KCNIP3: variants seen among roughly 807,000 people sequenced by gnomAD.
KCNIP3 encodes potassium voltage-gated channel interacting protein 3.
KCNIP3 carries 28 observed loss-of-function variants against 35.0 expected under a neutral mutation model. That is an observed-to-expected ratio of 0.80 (90% CI 0.59 to 1.10). KCNIP3 has a LOEUF of 1.10. Among genes scored for constraint, KCNIP3 ranks in the 50% least tolerant of loss-of-function variants. The pLI is 0.00. For missense variants in KCNIP3, 295 were observed against 338.4 expected (o/e 0.87, Z 1.01); for synonymous variants, 134 against 133.8 (o/e 1.00, Z -0.01).
intron 2 of KCNIP3, among the ~76,000 whole-genome samples, chr2:95,372,475 C>T (rs551057633): frequency 8.6e-4 from 131 of 152,184 alleles, no homozygotes; most frequent in African/African-American, 2.9e-3. Flanking sequence ...ACTAAGGATT[C>T]GAGATACTAC....
In KCNIP3 at chr2:95,297,392, C is replaced by A; in HGVS notation, c.-47C>A. 3 of 1,482,220 alleles carry A rather than the reference C, an allele frequency of 2.0e-6. No homozygotes were observed. Among genetic ancestry groups the A allele is most frequent in the Non-Finnish European group, 2.7e-6 (3 of 1,103,528 alleles). 91.8% of individuals were successfully genotyped at this position (1,482,220 alleles called of 1,614,324 possible). On this transcript the variant is annotated 5_prime_UTR_variant, in exon 1 of 9. Transcript: ENST00000295225. ...CCGGCCTGGGCAGTCTTGTCTGCCTCGGCTGTGAAGTGGGGAGGCTGGCAA... is the reference window on the plus strand; with the variant it reads ...CCGGCCTGGGCAGTCTTGTCTGCCTAGGCTGTGAAGTGGGGAGGCTGGCAA...
chr2:95,372,261 G>T lies in KCNIP3; in HGVS notation c.182-2035G>T, dbSNP rs188461062. The stretch of plus-strand genomic sequence containing the variant: ...CTGCTGTGTGTACATCTGCTCCACG[G>T]CACAGTTCTCCCCAGTGTGCAGCCT... On this transcript the variant is annotated intron_variant, in intron 2 of 8. Coordinates refer to ENST00000295225, the MANE Select transcript of KCNIP3 (RefSeq NM_013434.5). Among the ~76,000 whole-genome samples, 3 of 152,142 alleles carry T rather than the reference G, an allele frequency of 2.0e-5. No individual in the cohort carries two copies. The East Asian group carries it at 5.8e-4, about 29-fold the overall frequency.
At position 95,368,785 on chromosome 2, in the gene KCNIP3, T is replaced by G. The variant is rs537598752; in HGVS notation, c.182-5511T>G. On this transcript the variant is annotated intron_variant, in intron 2 of 8. Transcript: ENST00000295225. ...CTGTTGGTTTGGTCACATTTCCACC[T>G]GCCCAGTGGCAAAGCCTACACCTTT... is the stretch of plus-strand genomic sequence containing the variant. 1.8e-4 allele frequency: 43 copies of G among 239,190 alleles called. 2 individuals are homozygous for G. In the South Asian group the frequency reaches 3.4e-3, roughly 19 times the overall value. The allele number at this position is 239,190 out of a possible 1,614,324, so 14.8% of individuals were successfully genotyped here.
At chr2:95,297,648 T>C (rs1677904780) in intron 1 of KCNIP3, among the ~76,000 whole-genome samples, 195 bp downstream of exon 1, 1 of 151,922 alleles carries the variant, frequency 6.6e-6, no homozygotes, top group African/African-American at 2.4e-5. Flanking sequence ...TGGAGTGTCC[T>C]GGCTGGCGTT....
chr2:95,339,429 C>T (rs1218395148), intron 2 of KCNIP3, among the ~76,000 whole-genome samples: 2 of 151,860 alleles, frequency 1.3e-5, no homozygotes, highest in African/African-American at 2.4e-5. Flanking sequence ...AAAAAACACA[C>T]AAAAATTAGC....
chr2:95,314,974 C>T (rs996692580), intron 2 of KCNIP3, among the ~76,000 whole-genome samples: 10 of 152,188 alleles, frequency 6.6e-5, no homozygotes, highest in Non-Finnish European at 1.3e-4. Context: ...CAGTCTTCAG[C>T]GGGTCTCATC....
chr2:95,371,236 T>C (rs1220727704), intron 2 of KCNIP3, among the ~76,000 whole-genome samples: 1 of 152,272 alleles, frequency 6.6e-6, no homozygotes, highest in Non-Finnish European at 1.5e-5. Context: ...TAAATTTCCC[T>C]GTCAGCCCAG....
chr2:95,375,837 C>T (rs1285693577), intron 5 of KCNIP3, among the ~76,000 whole-genome samples: 1 of 152,192 alleles, frequency 6.6e-6, no homozygotes, highest in African/African-American at 2.4e-5. Context: ...CTAAAAATAG[C>T]TGCAGGCGAA....
intron 2 of KCNIP3, chr2:95,346,744 C>G (rs1679380307): frequency 6.5e-6 from 1 of 153,350 alleles, no homozygotes. Context: ...GCCGCCGCCG[C>G]GCCTCGAAGT....
intron 2 of KCNIP3, chr2:95,313,489 A>G (rs1247853908): frequency 6.6e-6 from 1 of 152,278 alleles, no homozygotes; most frequent in South Asian, 2.1e-4. Context: ...TCCTCAGCCT[A>G]GAAGCTCCTT....
intron 2 of KCNIP3, among the ~76,000 whole-genome samples, chr2:95,362,260 C>T (rs1241883306): frequency 6.6e-6 from 1 of 152,182 alleles, no homozygotes; most frequent in Non-Finnish European, 1.5e-5. Context: ...GCATGCACCA[C>T]TATGCCCGGC....
Position 95,308,171 on chromosome 2 carries a change from C to T in KCNIP3, c.16-2184C>T, listed in dbSNP as rs2104206599. Among the ~76,000 whole-genome samples, 3 of 152,326 alleles carry T rather than the reference C, an allele frequency of 2.0e-5. No individual in the cohort carries two copies. In the South Asian group the frequency reaches 6.2e-4, roughly 32 times the overall value. On this transcript the variant is annotated intron_variant, in intron 1 of 8. Transcript: ENST00000295225. ...TAGCGTGTGCACATAGGGAGCTTCC[C>T]TCAGCACCCCAGGCACCCGTCCACC...
chr2:95,310,236 G>A (rs1678274819), intron 1 of KCNIP3, 119 bp from the exon 2 acceptor site: 1 of 1,205,110 alleles, frequency 8.3e-7, no homozygotes, highest in Non-Finnish European at 1.2e-6. Flanking sequence ...AGCCCCGGAA[G>A]GTGAGCCCTC....
rs1004345698 is a variant in KCNIP3, at chr2:95,382,320, T to TA, written c.556-57_556-56insA. The TA allele has an allele frequency of 9.8e-6, 12 of 1,224,824 alleles. 1 individual carries two copies. In the Admixed American group the frequency reaches 2.4e-4, roughly 24 times the overall value. The allele number at this position is 1,224,824 out of a possible 1,614,324, so 75.9% of individuals were successfully genotyped here. ...ACCCTTGGATGCCGCCCGCTCCCTT[T>TA]GGGCCCTCACAGCCACCCCGGCCTT... is the stretch of plus-strand genomic sequence containing the variant. On this transcript the variant is annotated intron_variant, in intron 6 of 8. Transcript: ENST00000295225. This position sits in a 1 kb window ranked among gnomAD's most constrained non-coding sequence, Gnocchi z 4.5.
chr2:95,324,045 C>T (rs760646921), intron 2 of KCNIP3, among the ~76,000 whole-genome samples: 7 of 152,364 alleles, frequency 4.6e-5, no homozygotes, highest in Non-Finnish European at 1.0e-4. Flanking sequence ...CTTGGAATCC[C>T]CACCCACGCA....
In KCNIP3 at chr2:95,381,596, G is replaced by C; in HGVS notation, c.448G>C (p.Asp150His). 1 of 1,612,366 alleles carries C rather than the reference G, an allele frequency of 6.2e-7. No homozygotes were observed. The highest frequency in any genetic ancestry group is 8.5e-7 in the Non-Finnish European group (1 of 1,178,398). Residue 150 changes from aspartate (D) to histidine (H), a missense_variant and splice_region_variant, in exon 6 of 9, where the codon GAC becomes CAC. Physicochemically the swap from Asp to His is moderately conservative, Grantham distance 81. Coordinates refer to ENST00000295225, the MANE Select transcript of KCNIP3 (RefSeq NM_013434.5). ...GCCCCACACTCTCCTTTCCCCATAG[G>C]ACTTTGTGGTTGGCCTCTCCATCCT... ...ADGNGAIHFEDFVVGLSILLR... is the reference protein window; with the variant it reads ...ADGNGAIHFEHFVVGLSILLR...
intron 2 of KCNIP3, among the ~76,000 whole-genome samples, chr2:95,352,955 G>A (rs1167110504): frequency 1.3e-5 from 2 of 152,248 alleles, no homozygotes; most frequent in African/African-American, 4.8e-5. Flanking sequence ...CAGCTGTCAG[G>A]TTGTTGCTTC....
chr2:95,325,165 C>T (rs1678705036), intron 2 of KCNIP3, among the ~76,000 whole-genome samples: 1 of 152,130 alleles, frequency 6.6e-6, no homozygotes, highest in Non-Finnish European at 1.5e-5. Flanking sequence ...CAGGCCTGGA[C>T]CCCAACTCGG....
At chr2:95,363,231 A>G (rs1679843358) in intron 2 of KCNIP3, among the ~76,000 whole-genome samples, 1 of 152,198 alleles carries the variant, frequency 6.6e-6, no homozygotes, top group Non-Finnish European at 1.5e-5. Context: ...ACATTTTATT[A>G]TAGCTCTATC....
Sources: gnomAD v4.1 joint callset for allele counts (sites outside exome capture counted in the v4.1 genomes callset) on GRCh38, gnomAD v4.1.1 for gene constraint, Gnocchi (gnomAD v3.1) non-coding constraint, MANE v1.5 for transcripts, NCBI Gene and HGNC (gene_info 2026-07-23, HGNC 2026-07-21) for gene names.